KITLG: variants seen among roughly 807,000 people sequenced by gnomAD.
KITLG encodes the protein c-Kit ligand.
In KITLG, 13 loss-of-function variants were observed where a neutral mutation model predicts 34.1. That is an observed-to-expected ratio of 0.38 (90% CI 0.25 to 0.61). The LOEUF (loss-of-function observed/expected upper bound fraction) is 0.61. KITLG is among the 20% of genes least tolerant of loss of function. The probability of loss-of-function intolerance (pLI) is 0.60; values close to 1 mark genes in which losing one functional copy is unlikely to be tolerated. For missense variants in KITLG, 292 were observed against 318.9 expected (o/e 0.92, Z 0.64); for synonymous variants, 110 against 104.0 (o/e 1.06, Z -0.35).
intron 3 of KITLG, among the ~76,000 whole-genome samples, chr12:88,523,707 A>G (rs1484846774): frequency 6.6e-6 from 1 of 152,174 alleles, no homozygotes; most frequent in Non-Finnish European, 1.5e-5. Context: ...GTTTCCTATA[A>G]AAGCACTTTG....
chr12:88,506,328 T>C lies in KITLG; in HGVS notation c.765A>G (p.Glu255=), dbSNP rs1457116198. The change falls in exon 8 of 10, where the codon GAA becomes GAG. Residue 255 remains glutamate, a synonymous_variant. Coordinates refer to ENST00000644744, the MANE Select transcript of KITLG (RefSeq NM_000899.5). The part of the protein sequence containing the change: ...TRAVENIQIN[E]EDNEISMLQE... ...CAAAATACCTTATCTCATTATCCTCTTCATTAATTTGTATATTTTCAACTG... is the reference window on the plus strand; with the variant it reads ...CAAAATACCTTATCTCATTATCCTCCTCATTAATTTGTATATTTTCAACTG... 2.5e-6 allele frequency: 4 copies of C among 1,609,588 alleles called. No individual in the cohort carries two copies. Among genetic ancestry groups the C allele is most frequent in the Admixed American group, 1.7e-5 (1 of 59,992 alleles).
Position 88,508,657 on chromosome 12 carries a change from G to T in KITLG, c.605-1520C>A, listed in dbSNP as rs368461323. Among the ~76,000 whole-genome samples, 10 of 151,970 alleles carry T rather than the reference G, an allele frequency of 6.6e-5. No homozygotes were observed. In the South Asian group the frequency reaches 1.2e-3, roughly 19 times the overall value. The stretch of plus-strand genomic sequence containing the variant: ...CACGTAGGGAGTTGTCAGAAATAGG[G>T]TCTTCCATTCACATAACCATGAATA... On this transcript the variant is annotated intron_variant, in intron 6 of 9. Coordinates refer to ENST00000644744, the MANE Select transcript of KITLG (RefSeq NM_000899.5).
At position 88,580,061 on chromosome 12, in the gene KITLG, A is replaced by AC. The variant is rs1871963635; in HGVS notation, c.15+202dup. 4.8e-6 allele frequency: 3 copies of AC among 620,052 alleles called. No individual in the cohort carries two copies. In the Admixed American group the frequency reaches 8.2e-5, roughly 17 times the overall value. 38.4% of individuals were successfully genotyped at this position (620,052 alleles called of 1,614,324 possible). ...AACTTGACACTGGCTCCCTCTCAGCACTCCCACTCCTTTTCTCCCTGGCTC... is the reference window on the plus strand; with the variant it reads ...AACTTGACACTGGCTCCCTCTCAGCACCTCCCACTCCTTTTCTCCCTGGCTC... On this transcript the variant is annotated intron_variant, in intron 1 of 9. Transcript: ENST00000644744.
At chr12:88,567,898 G>A (rs1871499930) in intron 1 of KITLG, among the ~76,000 whole-genome samples, 2 of 152,154 alleles carry the variant, frequency 1.3e-5, no homozygotes, top group African/African-American at 2.4e-5. Flanking sequence ...TTGAAGAGAT[G>A]ATTCCAGATT....
At chr12:88,525,998 G>T (rs939660585) in intron 3 of KITLG, among the ~76,000 whole-genome samples, 4 of 152,220 alleles carry the variant, frequency 2.6e-5, no homozygotes, top group Admixed American at 6.5e-5. Flanking sequence ...TGGATAAGTG[G>T]ATGGGAGAAG....
chr12:88,551,504 T>C (rs1042905988), intron 1 of KITLG, among the ~76,000 whole-genome samples: 1 of 152,234 alleles, frequency 6.6e-6, no homozygotes, highest in African/African-American at 2.4e-5. Flanking sequence ...TCAAAGTATC[T>C]CAGTTATGTA....
At chr12:88,538,596 C>T (rs1440982550) in intron 2 of KITLG, among the ~76,000 whole-genome samples, 1 of 151,898 alleles carries the variant, frequency 6.6e-6, no homozygotes, top group African/African-American at 2.4e-5. Context: ...ATTAGAAGAC[C>T]ACTAGGAATT....
Position 88,536,716 on chromosome 12 carries a change from C to T in KITLG, c.130-4213G>A, listed in dbSNP as rs184236851. On this transcript the variant is annotated intron_variant, in intron 2 of 9. Coordinates refer to ENST00000644744, the MANE Select transcript of KITLG (RefSeq NM_000899.5). ...GGATGAAGCTGGAAACAATCATTCTCAGTAAACTAACACAACAACAGAAAA... is the reference window on the plus strand; with the variant it reads ...GGATGAAGCTGGAAACAATCATTCTTAGTAAACTAACACAACAACAGAAAA... Among the ~76,000 whole-genome samples, 4 of 152,264 alleles carry T rather than the reference C, an allele frequency of 2.6e-5. No individual in the cohort carries two copies. In the East Asian group the frequency reaches 7.7e-4, roughly 29 times the overall value.
At chr12:88,513,380 G>A (rs1869349766) in intron 6 of KITLG, among the ~76,000 whole-genome samples, 1 of 151,428 alleles carries the variant, frequency 6.6e-6, no homozygotes, top group Non-Finnish European at 1.5e-5. Context: ...ATACACAAAT[G>A]GGACAGATAA....
chr12:88,549,881 C>A (rs1015496625), intron 1 of KITLG, among the ~76,000 whole-genome samples: 1 of 151,960 alleles, frequency 6.6e-6, no homozygotes, highest in East Asian at 1.9e-4. Flanking sequence ...ACAAAAGAGT[C>A]CAAGAGAGCA....
At chr12:88,541,289 G>A (rs1475562681) in intron 2 of KITLG, among the ~76,000 whole-genome samples, 4 of 152,052 alleles carry the variant, frequency 2.6e-5, no homozygotes, top group Non-Finnish European at 5.9e-5. Flanking sequence ...TTACTAATTT[G>A]TAGACTGACC....
chr12:88,574,490 G>A (rs778640149), intron 1 of KITLG, among the ~76,000 whole-genome samples: 1 of 151,992 alleles, frequency 6.6e-6, no homozygotes, highest in Admixed American at 6.6e-5. Context: ...TTCCACCTCC[G>A]TGTCTCCAGC....
At chr12:88,510,215 G>A (rs1039579541) in intron 6 of KITLG, among the ~76,000 whole-genome samples, 3 of 152,086 alleles carry the variant, frequency 2.0e-5, no homozygotes, top group African/African-American at 7.2e-5. Context: ...GCATTTTTAG[G>A]AGCACCATGC....
intron 3 of KITLG, among the ~76,000 whole-genome samples, chr12:88,519,559 C>T (rs1222581686): frequency 6.6e-6 from 1 of 152,082 alleles, no homozygotes; most frequent in African/African-American, 2.4e-5. Context: ...CTTTATTTCT[C>T]TATTTACCAG....
At chr12:88,530,357 A>G (rs950958909) in intron 3 of KITLG, among the ~76,000 whole-genome samples, 3 of 152,182 alleles carry the variant, frequency 2.0e-5, no homozygotes, top group African/African-American at 7.2e-5. Context: ...TTTGCGCTGT[A>G]AAGCTCAATA....
chr12:88,512,691 T>C (rs1353561961), intron 6 of KITLG, among the ~76,000 whole-genome samples: 1 of 151,722 alleles, frequency 6.6e-6, no homozygotes, highest in East Asian at 1.9e-4. Context: ...GGTGGCTACC[T>C]TTTTTATTTT....
chr12:88,500,091 C>T (rs1393759268), intron 9 of KITLG, among the ~76,000 whole-genome samples: 2 of 152,186 alleles, frequency 1.3e-5, no homozygotes, highest in Admixed American at 6.5e-5. Flanking sequence ...TTCTTCTCAG[C>T]ATTTAACTCT....
intron 1 of KITLG, among the ~76,000 whole-genome samples, chr12:88,549,669 G>A (rs533447708): frequency 2.0e-5 from 3 of 152,288 alleles, no homozygotes; most frequent in South Asian, 2.1e-4. Context: ...AGATATTCTA[G>A]TGATAATGCC....
Position 88,567,474 on chromosome 12 carries a change from G to A in KITLG, c.15+12790C>T, listed in dbSNP as rs1871482224. 2.0e-5 allele frequency among the ~76,000 whole-genome samples: 3 copies of A among 152,158 alleles called. No individual in the cohort carries two copies. In the South Asian group the frequency reaches 6.2e-4, roughly 32 times the overall value. ...AGAATGGAATGCTTGTTTACCTGAA[G>A]TAATGGACTGATAAAAGTAACTTGC... is the stretch of plus-strand genomic sequence containing the variant. On this transcript the variant is annotated intron_variant, in intron 1 of 9. Transcript: ENST00000644744.
Sources: allele counts gnomAD v4.1 joint callset (sites outside exome capture counted in the v4.1 genomes callset), GRCh38; gene constraint gnomAD v4.1.1; transcripts MANE v1.5; gene names NCBI Gene and HGNC (gene_info 2026-07-23, HGNC 2026-07-21).